The following TENM3 variants were observed in gnomAD, a reference collection of about 807,000 sequenced individuals.
The protein encoded by TENM3 is teneurin transmembrane protein 3, also known as teneurin-3.
TENM3 carries 63 observed loss-of-function variants against 255.1 expected under a neutral mutation model. The ratio of observed to expected loss-of-function variants is 0.25; its 90% CI spans 0.20 to 0.30. The LOEUF (loss-of-function observed/expected upper bound fraction) is 0.30, where lower values mean the gene tolerates loss of function less well. Among genes scored for constraint, TENM3 ranks in the 10% least tolerant of loss-of-function variants. TENM3 has a pLI of 1.00. For missense variants in TENM3, 2,929 were observed against 3,461.1 expected (o/e 0.85, Z 3.86); for synonymous variants, 1,306 against 1,322.3 (o/e 0.99, Z 0.27).
At chr4:181,450,335 G>C in the TENM3 span, among the ~76,000 whole-genome samples, 5 of 152,300 alleles carry the variant, frequency 3.3e-5, 1 homozygote, top group South Asian at 1.0e-3. Context: ...ACTGGGGTAA[G>C]TAATAAGGTC....
At chr4:181,465,870 C>G in the TENM3 span, among the ~76,000 whole-genome samples, 7 of 152,130 alleles carry the variant, frequency 4.6e-5, no homozygotes, top group Non-Finnish European at 1.0e-4. Context: ...AGGACTGGGA[C>G]ACAGTGGTTT....
chr4:182,365,645 G>A (rs544648437), intron 3 of TENM3, among the ~76,000 whole-genome samples: 7 of 152,262 alleles, frequency 4.6e-5, no homozygotes, highest in African/African-American at 1.4e-4. Context: ...TAAAGCAGGC[G>A]ATAAATAGCA....
the TENM3 span, among the ~76,000 whole-genome samples, chr4:181,598,421 C>T: frequency 6.6e-6 from 1 of 152,212 alleles, no homozygotes; most frequent in African/African-American, 2.4e-5. Context: ...GTGATAATGA[C>T]AACATTCTGA....
intron 18 of TENM3, among the ~76,000 whole-genome samples, chr4:182,739,247 G>A (rs1453308866): frequency 1.3e-5 from 2 of 152,056 alleles, no homozygotes; most frequent in Non-Finnish European, 1.5e-5. Flanking sequence ...TTCAAATGCC[G>A]CAGACCAAAA....
chr4:182,558,418 T>G (rs377240157), intron 3 of TENM3, among the ~76,000 whole-genome samples: 9 of 152,182 alleles, frequency 5.9e-5, no homozygotes, highest in African/African-American at 1.9e-4. Context: ...AAATTCACAC[T>G]TGTATATCTT....
At chr4:182,708,723 G>A (rs550440659) in intron 12 of TENM3, among the ~76,000 whole-genome samples, 25 of 151,984 alleles carry the variant, frequency 1.6e-4, no homozygotes, top group African/African-American at 5.5e-4. Context: ...GCGTGAACCC[G>A]GGAGGCGGAG....
At chr4:181,964,708 C>T in the TENM3 span, among the ~76,000 whole-genome samples, 2 of 152,178 alleles carry the variant, frequency 1.3e-5, no homozygotes, top group East Asian at 1.9e-4. Flanking sequence ...ATATCATCAA[C>T]ATGGGACAAG....
the TENM3 span, among the ~76,000 whole-genome samples, chr4:181,696,024 A>G: frequency 3.9e-5 from 6 of 152,120 alleles, no homozygotes; most frequent in African/African-American, 7.2e-5. Context: ...GAATAATGGG[A>G]AGTAAAGTCA....
chr4:181,950,117 G>A, the TENM3 span, among the ~76,000 whole-genome samples: 6 of 152,120 alleles, frequency 3.9e-5, no homozygotes, highest in African/African-American at 1.4e-4. Flanking sequence ...CACAAAAGAA[G>A]TGTAAATGGC....
At chr4:182,428,509 G>A (rs965063938) in intron 3 of TENM3, among the ~76,000 whole-genome samples, 1 of 151,380 alleles carries the variant, frequency 6.6e-6, no homozygotes, top group Non-Finnish European at 1.5e-5. Context: ...TCTTTATCTA[G>A]TATAGAGCCA....
At chr4:181,546,879 G>A in the TENM3 span, among the ~76,000 whole-genome samples, 1 of 151,486 alleles carries the variant, frequency 6.6e-6, no homozygotes, top group Admixed American at 6.6e-5. Flanking sequence ...TGTGTGTATT[G>A]GGGATTTTTG....
At position 182,159,693 on chromosome 4, in the gene TENM3, G is replaced by A. The variant is rs113655599; in HGVS notation, c.-76+14939G>A. On this transcript the variant is annotated intron_variant, in intron 1 of 2. Coordinates refer to the TENM3 transcript ENST00000512480. ...CCATTAGAAGCGCTCAGCTCAAGGG[G>A]AACGGGAGCTGAGAGGCTGTTCCAG... Among the ~76,000 whole-genome samples the A allele has an allele frequency of 3.5e-3, 532 of 152,226 alleles. 9 individuals are homozygous for A. The highest frequency in any genetic ancestry group is 0.033 in the East Asian group (169 of 5,160).
At chr4:182,264,752 A>C (rs1253823350) in intron 1 of TENM3, among the ~76,000 whole-genome samples, 1 of 152,326 alleles carries the variant, frequency 6.6e-6, no homozygotes, top group South Asian at 2.1e-4. Flanking sequence ...CAGAAACTAA[A>C]AATATTGGCC....
chr4:182,391,595 T>G (rs1194538354), intron 3 of TENM3, among the ~76,000 whole-genome samples: 2 of 152,254 alleles, frequency 1.3e-5, no homozygotes, highest in Non-Finnish European at 2.9e-5. Flanking sequence ...TTTCAGTAAC[T>G]GAGCAGATTC....
At chr4:181,770,151 A>G in the TENM3 span, among the ~76,000 whole-genome samples, 1 of 152,146 alleles carries the variant, frequency 6.6e-6, no homozygotes, top group Non-Finnish European at 1.5e-5. Flanking sequence ...AAACGTGATT[A>G]TGGTATTGCA....
intron 11 of TENM3, among the ~76,000 whole-genome samples, chr4:182,682,580 C>G (rs2152567678): frequency 6.6e-6 from 1 of 152,252 alleles, no homozygotes; most frequent in East Asian, 1.9e-4. Flanking sequence ...TGTGATAGGC[C>G]CTGTAAGACT....
At chr4:181,589,932 A>G in the TENM3 span, among the ~76,000 whole-genome samples, 1 of 152,176 alleles carries the variant, frequency 6.6e-6, no homozygotes, top group Admixed American at 6.5e-5. Flanking sequence ...ACGAAACAGA[A>G]GGGAGGTCAG....
chr4:182,668,402 C>A (rs542025144), intron 6 of TENM3, among the ~76,000 whole-genome samples: 34 of 152,204 alleles, frequency 2.2e-4, no homozygotes, highest in African/African-American at 7.7e-4. Context: ...TTTAATGTTT[C>A]CTAGGGATAT....
chr4:182,282,515 T>C (rs576613993), intron 1 of TENM3, among the ~76,000 whole-genome samples: 4 of 152,312 alleles, frequency 2.6e-5, no homozygotes, highest in African/African-American at 9.6e-5. Flanking sequence ...TAAGTGAAAG[T>C]AAGTGCGGAG....
Sources: allele counts gnomAD v4.1 joint callset (sites outside exome capture counted in the v4.1 genomes callset), GRCh38; gene constraint gnomAD v4.1.1; transcripts MANE v1.5; gene names NCBI Gene and HGNC (gene_info 2026-07-23, HGNC 2026-07-21).